Variants in PAPOLA observed in about 807,000 individuals in gnomAD.
The protein encoded by PAPOLA is polynucleotide adenylyltransferase alpha.
A neutral mutation model predicts 100.6 loss-of-function variants in PAPOLA; 15 were observed. The observed-to-expected ratio is 0.15, with a 90% confidence interval of 0.10 to 0.23. The LOEUF is 0.23. Among genes scored for constraint, PAPOLA ranks in the 10% least tolerant of loss-of-function variants. The pLI, the probability that PAPOLA is intolerant of heterozygous loss-of-function variation, is 1.00. For missense variants in PAPOLA, 533 were observed against 884.2 expected, an observed-to-expected ratio of 0.60 and a Z score of 5.04; for synonymous variants, 293 against 300.0, an observed-to-expected ratio of 0.98 and a Z score of 0.24.
intron 1 of PAPOLA, among the ~76,000 whole-genome samples, chr14:96,510,582 T>C (rs958319475): frequency 5.3e-5 from 8 of 152,270 alleles, no homozygotes; most frequent in Non-Finnish European, 8.8e-5. Context: ...ACCCTTTCTC[T>C]GCATAAGCAA....
intron 1 of PAPOLA, 99 bp downstream of exon 1, chr14:96,502,699 C>G: frequency 7.5e-7 from 1 of 1,327,628 alleles, no homozygotes; most frequent in South Asian, 1.4e-5. Context: ...CACGCGAGCC[C>G]GACCCTCCCC....
chr14:96,539,957 G>C (rs1242001018), intron 12 of PAPOLA, among the ~76,000 whole-genome samples: 1 of 151,932 alleles, frequency 6.6e-6, no homozygotes, highest in East Asian at 1.9e-4. Context: ...TTTAAATGTG[G>C]CTGAGTAAAG....
At chr14:96,508,156 C>T (rs1012928463) in intron 1 of PAPOLA, among the ~76,000 whole-genome samples, 4 of 152,028 alleles carry the variant, frequency 2.6e-5, no homozygotes, top group Non-Finnish European at 5.9e-5. Flanking sequence ...GATTACAGGC[C>T]CACCACGCCT....
intron 11 of PAPOLA, 61 bp from the exon 12 acceptor site, chr14:96,536,915 T>G: frequency 1.1e-6 from 1 of 929,582 alleles, no homozygotes; most frequent in East Asian, 2.5e-5. Context: ...TGATTAAGAT[T>G]ATTTAAAATT....
At chr14:96,529,266 C>T (rs2140276999) in intron 6 of PAPOLA, among the ~76,000 whole-genome samples, 1 of 152,082 alleles carries the variant, frequency 6.6e-6, no homozygotes, top group South Asian at 2.1e-4. Context: ...AGCCTATAAT[C>T]TTTATTTCTG....
At chr14:96,528,050 C>A (rs958705279) in intron 6 of PAPOLA, 44 bp downstream of exon 6, 24 of 1,295,468 alleles carry the variant, frequency 1.9e-5, no homozygotes, top group Non-Finnish European at 2.7e-5. Context: ...TGTGCTGTCA[C>A]TAATTTTGAT....
intron 19 of PAPOLA, among the ~76,000 whole-genome samples, chr14:96,558,942 C>G (rs1901579682): frequency 1.3e-5 from 2 of 151,438 alleles, no homozygotes; most frequent in Non-Finnish European, 2.9e-5. Flanking sequence ...CCCTGTGTTG[C>G]AATTGTTTGA....
Position 96,536,817 on chromosome 14 carries a change from A to G in PAPOLA, c.1031-159A>G, listed in dbSNP as rs1366536385. 3.4e-5 allele frequency: 16 copies of G among 470,432 alleles called. No individual in the cohort carries two copies. In the East Asian group the frequency reaches 4.1e-4, roughly 12 times the overall value. The allele number at this position is 470,432 out of a possible 1,614,324, so 29.1% of individuals were successfully genotyped here. On this transcript the variant is annotated intron_variant, in intron 11 of 21. Coordinates refer to ENST00000216277, the MANE Select transcript of PAPOLA (RefSeq NM_032632.5). Reference sequence around the variant, plus strand: ...CCAGCTTTTTAAAAAAAAAATGTGTATATATATAAGAGTATGCTCTAAAAT... The same window carrying G: ...CCAGCTTTTTAAAAAAAAAATGTGTGTATATATAAGAGTATGCTCTAAAAT...
intron 7 of PAPOLA, 146 bp downstream of exon 7, chr14:96,531,732 C>T (rs1566848431): frequency 2.0e-6 from 3 of 1,495,322 alleles, no homozygotes; most frequent in African/African-American, 1.4e-5. Flanking sequence ...TAATAAACTA[C>T]AGAAGAGTAT....
At position 96,507,280 on chromosome 14, in the gene PAPOLA, G is replaced by GTTTTTTT. The variant is rs71103533; in HGVS notation, c.8+4699_8+4705dup. 5.0e-4 allele frequency among the ~76,000 whole-genome samples: 40 copies of GTTTTTTT among 80,702 alleles called. 4 individuals are homozygous for GTTTTTTT. Among genetic ancestry groups the GTTTTTTT allele is most frequent in the African/African-American group, 8.5e-4 (15 of 17,604 alleles). 52.9% of individuals were successfully genotyped at this position (80,702 alleles called of 152,430 possible). A position where few individuals can be genotyped will look rare whatever the true frequency, so the allele number is the denominator to read the frequency against. ...ACTAAATTTTTTGTTTTGGAAAATA[G>GTTTTTTT]TTTTTTTTTTTTTTTTTTTTTTTTT... On this transcript the variant is annotated intron_variant, in intron 1 of 21. Transcript: ENST00000216277.
chr14:96,523,868 A>G (rs1338282486), intron 3 of PAPOLA, among the ~76,000 whole-genome samples: 1 of 151,560 alleles, frequency 6.6e-6, no homozygotes, highest in African/African-American at 2.4e-5. Context: ...GCTTGAACCG[A>G]GGAGGCAGAG....
intron 17 of PAPOLA, 121 bp from the exon 18 acceptor site, chr14:96,555,726 T>G: frequency 1.9e-6 from 1 of 516,444 alleles, no homozygotes; most frequent in Non-Finnish European, 3.3e-6. Flanking sequence ...GTATAGGAAG[T>G]AAAACCAAAG....
rs759140749 is a variant in PAPOLA, at chr14:96,520,063, C to T, written c.17C>T (p.Thr6Ile). The change falls in exon 2 of 22, where the codon ACA becomes ATA. Residue 6 changes from threonine (T) to isoleucine (I), a missense_variant. Coordinates refer to ENST00000216277, the MANE Select transcript of PAPOLA (RefSeq NM_032632.5). The stretch of plus-strand genomic sequence containing the variant: ...TCCAATTTTGTTTATAGTCCAGTTA[C>T]AACACAGGGATCACAACAAACACAA... MPFPV[T>I]TQGSQQTQPP... is the part of the protein sequence containing the mutation. 13 of 1,606,542 alleles carry T rather than the reference C, an allele frequency of 8.1e-6. No individual in the cohort carries two copies. Among genetic ancestry groups the T allele is most frequent in the Non-Finnish European group, 1.1e-5 (13 of 1,177,476 alleles).
chr14:96,522,650 T>C (rs1055906534), intron 3 of PAPOLA, among the ~76,000 whole-genome samples: 1 of 152,108 alleles, frequency 6.6e-6, no homozygotes, highest in Non-Finnish European at 1.5e-5. Context: ...AGATATCTGC[T>C]TGCCTTGGCT....
At chr14:96,541,673 ATTTT>A (rs1394054288) in intron 12 of PAPOLA, among the ~76,000 whole-genome samples, 1 of 149,882 alleles carries the variant, frequency 6.7e-6, no homozygotes, top group Admixed American at 6.7e-5. Flanking sequence ...CATGTTAGTG[ATTTT>A]TTTTTTCTTT....
chr14:96,538,574 G>A (rs983043643), intron 12 of PAPOLA, among the ~76,000 whole-genome samples: 1 of 151,978 alleles, frequency 6.6e-6, no homozygotes, highest in African/African-American at 2.4e-5. Context: ...AAAAAAAGCA[G>A]CAACAAATAG....
rs1434311277 is a variant in PAPOLA, at chr14:96,506,569, A to G, written c.8+3969A>G. 5.3e-5 allele frequency among the ~76,000 whole-genome samples: 8 copies of G among 152,230 alleles called. No individual in the cohort carries two copies. In the East Asian group the frequency reaches 1.3e-3, roughly 26 times the overall value. Reference sequence around the variant, plus strand: ...TGAAAAATTGGAGCTTTCAAGCAAAATATAGAATTTTAGAAAGCTTGCTTT... The same window carrying G: ...TGAAAAATTGGAGCTTTCAAGCAAAGTATAGAATTTTAGAAAGCTTGCTTT... On this transcript the variant is annotated intron_variant, in intron 1 of 21. Coordinates refer to ENST00000216277, the MANE Select transcript of PAPOLA (RefSeq NM_032632.5).
intron 9 of PAPOLA, chr14:96,533,875 C>T: frequency 1.0e-6 from 1 of 985,368 alleles, no homozygotes; most frequent in Non-Finnish European, 1.2e-6. Context: ...TTTAATGCTA[C>T]ACATATATAA....
chr14:96,531,723 A>G (rs773152981), intron 7 of PAPOLA, 137 bp downstream of exon 7: 10 of 1,504,234 alleles, frequency 6.6e-6, no homozygotes, highest in Middle Eastern at 2.3e-4. Flanking sequence ...AACTTTGCCT[A>G]ATAAACTACA....
Sources: allele counts gnomAD v4.1 joint callset (sites outside exome capture counted in the v4.1 genomes callset), GRCh38; gene constraint gnomAD v4.1.1; transcripts MANE v1.5; gene names NCBI Gene and HGNC (gene_info 2026-07-23, HGNC 2026-07-21).